The following PHF12 variants were observed in gnomAD, a reference collection of about 807,000 sequenced individuals.
PHF12 encodes the protein PHD finger protein 12, also known as PHD factor 1.
PHF12 carries 6 observed loss-of-function variants against 99.8 expected under a neutral mutation model. The observed-to-expected ratio is 0.06, with a 90% CI of 0.03 to 0.12. PHF12 has a LOEUF of 0.12. PHF12 is among the 10% of genes least tolerant of loss of function. The pLI is 1.00. For missense variants in PHF12, 954 were observed against 1,300.1 expected (o/e 0.73, Z 4.09); for synonymous variants, 480 against 514.9 (o/e 0.93, Z 0.92).
chr17:28,936,788 C>T (rs896395879), intron 2 of PHF12, among the ~76,000 whole-genome samples: 5 of 152,148 alleles, frequency 3.3e-5, no homozygotes, highest in African/African-American at 9.7e-5. Flanking sequence ...TCACAGTTCA[C>T]GGGGCTCATC....
chr17:28,931,946 T>G (rs2040418500), intron 2 of PHF12, among the ~76,000 whole-genome samples: 1 of 152,092 alleles, frequency 6.6e-6, no homozygotes, highest in Non-Finnish European at 1.5e-5. Flanking sequence ...AATGATGGTA[T>G]CTTGGGAGAA....
Position 28,912,227 on chromosome 17 carries a change from G to A in PHF12, c.2089+255C>T, listed in dbSNP as rs559950334. On this transcript the variant is annotated intron_variant, in intron 9 of 14. Transcript: ENST00000332830. Reference sequence around the variant, plus strand: ...ATGGAGTCAGGAGACCTGGGCTGTGGTTCCAATCCTGCCACTGACTCAGTA... The same window carrying A: ...ATGGAGTCAGGAGACCTGGGCTGTGATTCCAATCCTGCCACTGACTCAGTA... 24 of 1,303,920 alleles carry A rather than the reference G, an allele frequency of 1.8e-5. No homozygotes were observed. In the African/African-American group the frequency reaches 3.5e-4, roughly 19 times the overall value. 80.8% of individuals were successfully genotyped at this position (1,303,920 alleles called of 1,614,324 possible).
intron 9 of PHF12, chr17:28,912,141 C>A: frequency 9.0e-7 from 1 of 1,114,372 alleles, no homozygotes; most frequent in Non-Finnish European, 1.1e-6. Context: ...CAGAGAGCAC[C>A]CTGCCTTCTT....
intron 4 of PHF12, among the ~76,000 whole-genome samples, chr17:28,922,028 C>T (rs1417857508): frequency 6.6e-6 from 1 of 152,156 alleles, no homozygotes; most frequent in Non-Finnish European, 1.5e-5. Flanking sequence ...CCAGAAGTCA[C>T]CTGTTCTATG....
In PHF12 at chr17:28,912,493, G is replaced by A. The variant is rs752832994; in HGVS notation, c.2078C>T (p.Ala693Val). 1.0e-5 allele frequency: 16 copies of A among 1,597,492 alleles called. No homozygotes were observed. The Admixed American group carries it at 1.3e-4, about 13-fold the overall frequency. ...TTANQRFSSP[A>V]PSSDGKVSPG... ...TGAGCAGCACTCACCTGACGATGGCGCTGGTGAGCTGAATCGTTGGTTGGC... is the reference window on the plus strand; with the variant it reads ...TGAGCAGCACTCACCTGACGATGGCACTGGTGAGCTGAATCGTTGGTTGGC... Residue 693 changes from alanine to valine, a missense_variant, in exon 9 of 15, where the codon GCG becomes GTG. Physicochemically the swap from Ala to Val is moderately conservative, Grantham distance 64. Around this residue, in one of 8 missense-constraint regions of PHF12, gnomAD observed 143 missense variants for 191.8 expected, o/e 0.75. Coordinates refer to ENST00000332830, the MANE Select transcript of PHF12 (RefSeq NM_001033561.2).
In PHF12 at chr17:28,906,917, G is replaced by A; in HGVS notation, c.2619C>T (p.Phe873=). 6.2e-7 allele frequency: 1 copy of A among 1,613,422 alleles called. No individual in the cohort carries two copies. Among genetic ancestry groups the A allele is most frequent in the East Asian group, 2.2e-5 (1 of 44,862 alleles). ...TVDNVLYSCD[F]SEKTPPTPPS... is the part of the protein sequence containing the mutation. ...GGGGGGTTGGCGGGGTCTTCTCCGAGAAGTCACATGAATACAGCACATTGT... is the reference window on the plus strand; with the variant it reads ...GGGGGGTTGGCGGGGTCTTCTCCGAAAAGTCACATGAATACAGCACATTGT... Residue 873 remains phenylalanine (F), a synonymous_variant, in exon 14 of 15, where the codon TTC becomes TTT. Transcript: ENST00000332830. The surrounding 1 kb of genome is among the most constrained non-coding windows in gnomAD (Gnocchi z 4.2).
chr17:28,950,592 T>TG lies in PHF12; in HGVS notation c.66+302dup. 1 of 518,314 alleles carries TG rather than the reference T, an allele frequency of 1.9e-6. No homozygotes were observed. The highest frequency in any genetic ancestry group is 3.4e-6 in the Non-Finnish European group (1 of 294,576). The allele number at this position is 518,314 out of a possible 1,614,324, so 32.1% of individuals were successfully genotyped here. On this transcript the variant is annotated intron_variant, in intron 1 of 14. Coordinates refer to ENST00000332830, the MANE Select transcript of PHF12 (RefSeq NM_001033561.2). This position sits in a 1 kb window ranked among gnomAD's most constrained non-coding sequence, Gnocchi z 5.7. Reference sequence around the variant, plus strand: ...CCCAAAGCCCGGTACCCGGACGTGCTGGGGGAAGCACAAAGGGGCCAACAA... The same window carrying TG: ...CCCAAAGCCCGGTACCCGGACGTGCTGGGGGGAAGCACAAAGGGGCCAACAA...
chr17:28,942,621 G>C (rs929893150), intron 2 of PHF12, among the ~76,000 whole-genome samples: 11 of 152,056 alleles, frequency 7.2e-5, no homozygotes, highest in South Asian at 2.1e-4. Flanking sequence ...TTTGAGACCA[G>C]CCTGACCAAC....
chr17:28,907,259 C>T (rs568169204), intron 13 of PHF12: 29 of 523,698 alleles, frequency 5.5e-5, no homozygotes, highest in Admixed American at 3.0e-4. Context: ...CTCACTGGCC[C>T]GTGATGATAA....
chr17:28,942,873 G>A (rs1210237066), intron 2 of PHF12, among the ~76,000 whole-genome samples: 1 of 151,832 alleles, frequency 6.6e-6, no homozygotes, highest in Non-Finnish European at 1.5e-5. Context: ...TGGGGGAAGT[G>A]TAAAGACAAC....
rs754099643 is a variant in PHF12, at chr17:28,906,214, C to A, written c.2984G>T (p.Gly995Val). 1.9e-6 allele frequency: 3 copies of A among 1,608,426 alleles called. No individual in the cohort carries two copies. The highest frequency in any genetic ancestry group is 2.2e-5 in the South Asian group (2 of 90,846). Residue 995 changes from glycine (G) to valine (V), a missense_variant, in exon 15 of 15, where the codon GGC becomes GTC. By Grantham distance (109) the Gly-to-Val change is moderately radical (BLOSUM62 -3). This residue lies in a region of PHF12 where 136 missense variants were observed against 172.3 expected (regional missense o/e 0.79). Coordinates refer to ENST00000332830, the MANE Select transcript of PHF12 (RefSeq NM_001033561.2). The surrounding 1 kb of genome is among the most constrained non-coding windows in gnomAD (Gnocchi z 4.2). ...AACAGAGTTGGAGCGCAGCACAGGG[C>A]CCTGGTGGGGCTTGAGAGAGAGCTT... ...AEKLSLKPHQ[G>V]PVLRSNSVP
Position 28,950,877 on chromosome 17 carries a change from G to A in PHF12, c.66+18C>T. 2 of 1,612,572 alleles carry A rather than the reference G, an allele frequency of 1.2e-6. No homozygotes were observed. Among genetic ancestry groups the A allele is most frequent in the Non-Finnish European group, 1.7e-6 (2 of 1,179,176 alleles). ...CCTCCCGGCGCTGGAGGAAGGAGAT[G>A]AGGAGGGCCACTCTTACCTCCATCA... On this transcript the variant is annotated intron_variant, in intron 1 of 14. Coordinates refer to ENST00000332830, the MANE Select transcript of PHF12 (RefSeq NM_001033561.2). The surrounding 1 kb of genome is among the most constrained non-coding windows in gnomAD (Gnocchi z 5.7).
intron 10 of PHF12, chr17:28,910,658 G>T: frequency 2.1e-6 from 1 of 477,862 alleles, no homozygotes; most frequent in Non-Finnish European, 3.7e-6. Context: ...CCACTTGCCT[G>T]TCTGTGGGGG....
chr17:28,942,930 T>C (rs1035193760), intron 2 of PHF12, among the ~76,000 whole-genome samples: 2 of 152,062 alleles, frequency 1.3e-5, no homozygotes, highest in African/African-American at 4.8e-5. Flanking sequence ...GACAAGGAAC[T>C]TATATTTACA....
At chr17:28,935,068 C>A (rs758042537) in intron 2 of PHF12, among the ~76,000 whole-genome samples, 2 of 152,174 alleles carry the variant, frequency 1.3e-5, no homozygotes, top group African/African-American at 2.4e-5. Context: ...AGAGCATAGC[C>A]TGCATTGCTA....
rs757420526 is a variant in PHF12, at chr17:28,917,306, C to T, written c.1113G>A (p.Ser371=). 98 of 1,613,890 alleles carry T rather than the reference C, an allele frequency of 6.1e-5. No homozygotes were observed. The East Asian group carries it at 1.4e-3, about 23-fold the overall frequency. ...TCACCTTCAAGCTTCTTCTTTTGACCGACTGGAGCACACGCCGGTTAGGGG... is the reference window on the plus strand; with the variant it reads ...TCACCTTCAAGCTTCTTCTTTTGACTGACTGGAGCACACGCCGGTTAGGGG... The part of the protein sequence containing the change: ...KHPPNRRVLQ[S]VKRRSLKVPD... Residue 371 remains serine (S), a synonymous_variant, in exon 7 of 15, where the codon TCG becomes TCA. Coordinates refer to ENST00000332830, the MANE Select transcript of PHF12 (RefSeq NM_001033561.2).
chr17:28,926,853 A>T, intron 3 of PHF12, 138 bp downstream of exon 3: 1 of 1,550,914 alleles, frequency 6.4e-7, no homozygotes. Flanking sequence ...TCACCATGGG[A>T]AGAGTGGGGT....
At chr17:28,923,024 C>G (rs1273966813) in intron 4 of PHF12, among the ~76,000 whole-genome samples, 1 of 148,886 alleles carries the variant, frequency 6.7e-6, no homozygotes, top group African/African-American at 2.5e-5. Context: ...CACTGCACCA[C>G]AGTGCAGTGC....
Position 28,935,122 on chromosome 17 carries a change from A to G in PHF12, c.249-8059T>C, listed in dbSNP as rs117768417. ...CCATAGGCAGAGATGACAGTGCCCT[A>G]TGAAGACAGAGCTCTTGCAGAGTAT... On this transcript the variant is annotated intron_variant, in intron 2 of 14. Transcript: ENST00000332830. Among the ~76,000 whole-genome samples, 618 of 152,318 alleles carry G rather than the reference A, an allele frequency of 4.1e-3. 1 individual carries two copies. The highest frequency in any genetic ancestry group is 0.014 in the Middle Eastern group (4 of 294).
Sources: allele counts gnomAD v4.1 joint callset (sites outside exome capture counted in the v4.1 genomes callset), GRCh38; gene constraint gnomAD v4.1.1; regional missense constraint gnomAD v4.1.1; non-coding constraint Gnocchi (gnomAD v3.1); transcripts MANE v1.5; gene names NCBI Gene and HGNC (gene_info 2026-07-23, HGNC 2026-07-21).